The following ARHGEF4 variants were observed in gnomAD, a reference collection of about 807,000 sequenced individuals.
ARHGEF4 encodes the protein APC-stimulated guanine nucleotide exchange factor 1.
ARHGEF4 carries 119 observed loss-of-function variants against 162.0 expected under a neutral mutation model. The observed-to-expected ratio is 0.73, with a 90% confidence interval of 0.63 to 0.86. ARHGEF4 has a LOEUF of 0.86. Among genes scored for constraint, ARHGEF4 ranks in the 40% least tolerant of loss-of-function variants. ARHGEF4 has a pLI of 0.00. For synonymous variants in ARHGEF4, 1,014 were observed against 979.9 expected (o/e 1.03, Z -0.65); for missense variants, 2,488 against 2,456.0 (o/e 1.01, Z -0.28).
chr2:130,885,248 C>T (rs1003310871), intron 1 of ARHGEF4, among the ~76,000 whole-genome samples: 4 of 152,064 alleles, frequency 2.6e-5, no homozygotes, highest in South Asian at 2.1e-4. Flanking sequence ...TCTTGTCCAA[C>T]GTTAAGAGGA....
intron 1 of ARHGEF4, chr2:130,837,316 G>C (rs1024118135): frequency 1.7e-5 from 6 of 358,864 alleles, no homozygotes; most frequent in Non-Finnish European, 3.0e-5. Flanking sequence ...TGGGCGCGCG[G>C]GGCACTCGGA....
At chr2:130,871,992 T>G (rs1189474511) in intron 1 of ARHGEF4, among the ~76,000 whole-genome samples, 1 of 152,212 alleles carries the variant, frequency 6.6e-6, no homozygotes, top group African/African-American at 2.4e-5. Context: ...AGGTGAGCAC[T>G]CAGCCTAGCA....
At chr2:131,035,155 C>A in intron 5 of ARHGEF4, 2 of 1,213,516 alleles carry the variant, frequency 1.6e-6, no homozygotes, top group Non-Finnish European at 2.0e-6. Context: ...GCGCGCCCTG[C>A]TGCGCTGCAA....
chr2:130,916,032 A>G lies in ARHGEF4; in HGVS notation c.2086A>G (p.Ile696Val), dbSNP rs767962781. 1.0e-5 allele frequency: 16 copies of G among 1,550,300 alleles called. No homozygotes were observed. Among genetic ancestry groups the G allele is most frequent in the South Asian group, 4.8e-5 (4 of 84,056 alleles). ...GNECELPAAPIQGAGDGALQR... is the reference protein window; with the variant it reads ...GNECELPAAPVQGAGDGALQR... ...TGAGTGTGAGTTGCCAGCAGCCCCC[A>G]TACAGGGAGCTGGCGATGGGGCTCT... Residue 696 changes from isoleucine to valine, a missense_variant, in exon 2 of 14, where the codon ATA becomes GTA. Transcript: ENST00000409359.
intron 4 of ARHGEF4, among the ~76,000 whole-genome samples, chr2:131,001,931 G>C (rs72860143): frequency 0.13 from 20,069 of 152,192 alleles, 1,435 homozygotes; most frequent in South Asian, 0.21. Flanking sequence ...GAGGGGCAAG[G>C]CTTCAGCTCC....
In ARHGEF4 at chr2:130,854,280, G is replaced by A. The variant is rs1291988431; in HGVS notation, c.39+17288G>A. 2.0e-5 allele frequency among the ~76,000 whole-genome samples: 3 copies of A among 152,280 alleles called. No individual in the cohort carries two copies. The South Asian group carries it at 6.2e-4, about 32-fold the overall frequency. ...GGCACAGTCTGGGACCCCTGTCCTG[G>A]AGCTCATGCTTTGGCAGGGAGGACA... is the stretch of plus-strand genomic sequence containing the variant. On this transcript the variant is annotated intron_variant, in intron 1 of 13. Transcript: ENST00000409359.
chr2:130,892,954 A>C (rs1679943012), intron 1 of ARHGEF4, among the ~76,000 whole-genome samples: 1 of 152,238 alleles, frequency 6.6e-6, no homozygotes, highest in African/African-American at 2.4e-5. Flanking sequence ...GCTCTCCCTC[A>C]GAAAGGCGTT....
At chr2:131,041,753 G>A (rs1690828256) in intron 9 of ARHGEF4, 62 bp from the exon 10 acceptor site, 3 of 1,580,728 alleles carry the variant, frequency 1.9e-6, no homozygotes, top group Non-Finnish European at 1.7e-6. Flanking sequence ...GGGGCTGCAG[G>A]GGATCCTCAC....
chr2:130,978,957 C>G (rs926956303), intron 4 of ARHGEF4, among the ~76,000 whole-genome samples: 1 of 152,170 alleles, frequency 6.6e-6, no homozygotes, highest in African/African-American at 2.4e-5. Flanking sequence ...TCCCTCTAAT[C>G]CAATGGCACA....
At position 130,915,406 on chromosome 2, in the gene ARHGEF4, A is replaced by C. The variant is rs762387404; in HGVS notation, c.1460A>C (p.Glu487Ala). Residue 487 changes from glutamate (E) to alanine (A), a missense_variant, in exon 2 of 14, where the codon GAG (glutamate) becomes GCG (alanine). This residue lies in a region of ARHGEF4 where 1,642 missense variants were observed against 1,481.5 expected (regional missense o/e 1.11). Transcript: ENST00000409359. ...GCACCAAGAGCTGCTGATGAGAGAG[A>C]GACACAGAAGCACCTCTGGGGCATT... is the stretch of plus-strand genomic sequence containing the variant. ...QLAPRAADER[E>A]TQKHLWGISV... 1 of 1,550,498 alleles carries C rather than the reference A, an allele frequency of 6.4e-7. No homozygotes were observed. The highest frequency in any genetic ancestry group is 1.4e-5 in the African/African-American group (1 of 73,042).
chr2:131,027,894 C>T (rs755992272), intron 4 of ARHGEF4, 51 bp from the exon 5 acceptor site: 2 of 1,607,160 alleles, frequency 1.2e-6, no homozygotes, highest in Non-Finnish European at 1.7e-6. Context: ...GTTCTCCCCT[C>T]AGCCCTTCCC....
chr2:130,917,041 G>T lies in ARHGEF4; in HGVS notation c.3095G>T (p.Cys1032Phe). 3 of 1,550,894 alleles carry T rather than the reference G, an allele frequency of 1.9e-6. No homozygotes were observed. The highest frequency in any genetic ancestry group is 2.4e-5 in the South Asian group (2 of 84,064). Residue 1032 changes from cysteine to phenylalanine, a missense_variant, in exon 2 of 14, where the codon TGC (cysteine) becomes TTC (phenylalanine). Around this residue, in one of 6 missense-constraint regions of ARHGEF4, gnomAD observed 1,642 missense variants for 1,481.5 expected, o/e 1.11. Coordinates refer to ENST00000409359, the MANE Select transcript of ARHGEF4 (RefSeq NM_001367493.1). ...HRRKSEPTIK[C>F]TATQEGGRYL... ...AGGAAAAGTGAACCGACCATCAAGTGCACAGCCACCCAGGAAGGCGGTAGG... is the reference window on the plus strand; with the variant it reads ...AGGAAAAGTGAACCGACCATCAAGTTCACAGCCACCCAGGAAGGCGGTAGG...
intron 1 of ARHGEF4, among the ~76,000 whole-genome samples, chr2:130,863,788 A>G (rs1574114421): frequency 3.1e-5 from 1 of 32,292 alleles, no homozygotes; most frequent in South Asian, 1.0e-3. Flanking sequence ...GCACAAAGCA[A>G]CCTCATAACG....
At chr2:130,949,828 T>C (rs1009419911) in intron 4 of ARHGEF4, among the ~76,000 whole-genome samples, 1 of 152,182 alleles carries the variant, frequency 6.6e-6, no homozygotes, top group African/African-American at 2.4e-5. Context: ...GTTGTATTTT[T>C]AGTAGAGACA....
At chr2:130,959,065 C>A (rs1465734714) in intron 4 of ARHGEF4, among the ~76,000 whole-genome samples, 1 of 151,926 alleles carries the variant, frequency 6.6e-6, no homozygotes, top group African/African-American at 2.4e-5. Flanking sequence ...CCTCAGCCTC[C>A]CGAGTAGCTG....
At chr2:130,996,445 T>C (rs1183767465) in intron 4 of ARHGEF4, among the ~76,000 whole-genome samples, 1 of 152,250 alleles carries the variant, frequency 6.6e-6, no homozygotes, top group East Asian at 1.9e-4. Context: ...AAGTCACTTA[T>C]CGTTATATTT....
At chr2:130,865,699 A>G (rs1682222634) in intron 1 of ARHGEF4, among the ~76,000 whole-genome samples, 2 of 147,146 alleles carry the variant, frequency 1.4e-5, no homozygotes, top group African/African-American at 5.3e-5. Context: ...AAAGTCAAAG[A>G]TAGGTTTTGT....
chr2:130,878,665 G>A (rs1034971206), intron 1 of ARHGEF4, among the ~76,000 whole-genome samples: 2 of 152,188 alleles, frequency 1.3e-5, no homozygotes, highest in African/African-American at 4.8e-5. Context: ...ATATGTGCAG[G>A]GATACTCAGG....
chr2:130,969,325 C>T (rs890280344), intron 4 of ARHGEF4, among the ~76,000 whole-genome samples: 13 of 152,068 alleles, frequency 8.5e-5, no homozygotes, highest in Non-Finnish European at 1.3e-4. Context: ...CAGCCGGGTG[C>T]GTTGGGTCAC....
Sources: gnomAD v4.1 joint callset for allele counts (sites outside exome capture counted in the v4.1 genomes callset) on GRCh38, gnomAD v4.1.1 for gene constraint, gnomAD v4.1.1 regional missense constraint, MANE v1.5 for transcripts, NCBI Gene and HGNC (gene_info 2026-07-23, HGNC 2026-07-21) for gene names.